ZNF605: variants seen among roughly 807,000 people sequenced by gnomAD.
ZNF605 encodes zinc finger protein 605.
ZNF605 carries 9 observed loss-of-function variants against 7.9 expected under a neutral mutation model. The ratio of observed to expected loss-of-function variants is 1.14; its 90% CI spans 0.68 to 1.98. The LOEUF is 1.98. ZNF605 is among the 30% of genes most tolerant of loss of function. The probability of loss-of-function intolerance (pLI) is 0.00; values close to 1 mark genes in which losing one functional copy is unlikely to be tolerated. For missense variants in ZNF605, 673 were observed against 762.4 expected (o/e 0.88, Z 1.38); for synonymous variants, 255 against 260.1 (o/e 0.98, Z 0.19).
intron 1 of ZNF605, among the ~76,000 whole-genome samples, chr12:132,950,877 ACAT>A (rs1952553680): frequency 2.0e-5 from 3 of 151,546 alleles, no homozygotes; most frequent in Non-Finnish European, 4.4e-5. Flanking sequence ...TGATACAAAT[ACAT>A]CACACATACT....
chr12:132,950,753 G>A (rs1244692468), intron 1 of ZNF605, among the ~76,000 whole-genome samples: 1 of 150,720 alleles, frequency 6.6e-6, no homozygotes, highest in Admixed American at 6.6e-5. Flanking sequence ...CAGACATACT[G>A]ATAACACACG....
Position 132,925,968 on chromosome 12 carries a change from G to A in ZNF605, c.1331C>T (p.Thr444Ile), listed in dbSNP as rs1293732284. 1.9e-6 allele frequency: 3 copies of A among 1,614,092 alleles called. No homozygotes were observed. The highest frequency in any genetic ancestry group is 1.1e-5 in the South Asian group (1 of 91,086). Reference protein sequence around the residue: ...SQLLTHHRTHTGEKPYECSEC... With the variant: ...SQLLTHHRTHIGEKPYECSEC... The stretch of plus-strand genomic sequence containing the variant: ...ACTGCATTCATAAGGCTTCTCCCCA[G>A]TGTGTGTTCTGTGATGCGTTAGGAG... Residue 444 changes from threonine (T) to isoleucine (I), a missense_variant, in exon 5 of 5, where the codon ACT (threonine) becomes ATT (isoleucine). Physicochemically the swap from Thr to Ile is moderately conservative, Grantham distance 89. Transcript: ENST00000360187.
At chr12:132,927,190 T>C in intron 4 of ZNF605, 28 bp from the exon 5 acceptor site, 1 of 1,461,472 alleles carries the variant, frequency 6.8e-7, no homozygotes. Flanking sequence ...TGAACCATAC[T>C]GTGTAATTCC....
chr12:132,952,314 A>G (rs1437864407), intron 1 of ZNF605, among the ~76,000 whole-genome samples: 1 of 151,894 alleles, frequency 6.6e-6, no homozygotes, highest in Non-Finnish European at 1.5e-5. Context: ...ACAAAAAATT[A>G]GCCGGGCATG....
intron 4 of ZNF605, among the ~76,000 whole-genome samples, chr12:132,929,403 C>T (rs1952283146): frequency 6.6e-6 from 1 of 152,086 alleles, no homozygotes; most frequent in Admixed American, 6.6e-5. Flanking sequence ...AATAGAATTT[C>T]AGAGGAAGCA....
chr12:132,921,143 AT>A lies in ZNF605; in HGVS notation c.*4229del, dbSNP rs35277489. On this transcript the variant is annotated 3_prime_UTR_variant, in exon 5 of 5. Coordinates refer to ENST00000360187, the MANE Select transcript of ZNF605 (RefSeq NM_183238.4). ...CACCCAGCCTCTCATGGCTAATTAA[AT>A]TTTTTTTTTGTAGAGATGAGTCTTG... 26,981 of 150,244 alleles carry A rather than the reference AT, an allele frequency of 0.18. 2,546 individuals are homozygous for A. The highest frequency in any genetic ancestry group is 0.26 in the South Asian group (1,238 of 4,748). 9.3% of individuals were successfully genotyped at this position (150,244 alleles called of 1,614,324 possible).
chr12:132,945,419 G>A (rs993079854), intron 3 of ZNF605: 46 of 1,365,374 alleles, frequency 3.4e-5, no homozygotes, highest in Middle Eastern at 2.6e-4. Flanking sequence ...AGGATAAACC[G>A]ATAACCCACC....
rs1952323145 is a variant in ZNF605 at position 132,933,055 on chromosome 12, T to C, written c.116A>G (p.Tyr39Cys). The C allele has an allele frequency of 1.9e-6, 3 of 1,602,916 alleles. No homozygotes were observed. The highest frequency in any genetic ancestry group is 1.7e-6 in the Non-Finnish European group (2 of 1,173,200). ...NLYRDVMLEN[Y>C]SNLVFLEVWL... ...CTTACCCAAGAAAACCAGATTGCTA[T>C]AGTTCTCCAACATCACATCTCTGTA... Residue 39 changes from tyrosine (Y) to cysteine (C), a missense_variant, in exon 4 of 5, where the codon TAT becomes TGT. Coordinates refer to ENST00000360187, the MANE Select transcript of ZNF605 (RefSeq NM_183238.4). This position sits in a 1 kb window ranked among gnomAD's most constrained non-coding sequence, Gnocchi z 4.4.
chr12:132,929,750 G>A (rs1213208969), intron 4 of ZNF605, among the ~76,000 whole-genome samples: 4 of 152,098 alleles, frequency 2.6e-5, no homozygotes, highest in African/African-American at 9.7e-5. Context: ...ATCGAGACCA[G>A]CCTGGCCAAC....
Position 132,925,620 on chromosome 12 carries a change from G to C in ZNF605, c.1679C>G (p.Thr560Ser). Residue 560 changes from threonine to serine, a missense_variant, in exon 5 of 5, where the codon ACC becomes AGC. Thr to Ser is a moderately conservative substitution (Grantham distance 58). Transcript: ENST00000360187. ...TTTTGCACAATCGCTGCATCCATAG[G>C]TTTTCTCTCCTGTGTGATTTCTTTG... The part of the protein sequence containing the change: ...KHQRNHTGEK[T>S]YGCSDCAKAF... 1 of 1,614,130 alleles carries C rather than the reference G, an allele frequency of 6.2e-7. No homozygotes were observed. Among genetic ancestry groups the C allele is most frequent in the Non-Finnish European group, 8.5e-7 (1 of 1,180,014 alleles).
Position 132,926,569 on chromosome 12 carries a change from G to A in ZNF605, c.730C>T (p.Gln244Ter). 1 of 1,614,154 alleles carries A rather than the reference G, an allele frequency of 6.2e-7. No homozygotes were observed. The highest frequency in any genetic ancestry group is 8.5e-7 in the Non-Finnish European group (1 of 1,180,022). The change falls in exon 5 of 5, where the codon CAG (glutamine) becomes TAG (stop). Residue 244 changes from glutamine to a stop codon, truncating the protein, a stop_gained. Transcript: ENST00000360187. LOFTEE classifies it low-confidence loss of function (END_TRUNC). ...GGCTTCTCTCCAGTATGAATTCTCTGATGTAAAATGAGGAGTGACTTCCTA... is the reference window on the plus strand; with the variant it reads ...GGCTTCTCTCCAGTATGAATTCTCTAATGTAAAATGAGGAGTGACTTCCTA... ...FSRKSLLILH[Q>*]RIHTGEKPYG...
At chr12:132,932,780 T>G in intron 4 of ZNF605, 1 of 1,536,600 alleles carries the variant, frequency 6.5e-7, no homozygotes, top group Non-Finnish European at 8.7e-7. Flanking sequence ...GTTTGAACAT[T>G]GCATCAGGTT....
intron 1 of ZNF605, among the ~76,000 whole-genome samples, chr12:132,954,980 C>A (rs1198923044): frequency 6.6e-6 from 1 of 152,124 alleles, no homozygotes; most frequent in African/African-American, 2.4e-5. Context: ...ATAGGCCACC[C>A]CATACTCGCC....
chr12:132,938,958 CGATTTCTCACCGA>C (rs1952399886), intron 3 of ZNF605, among the ~76,000 whole-genome samples: 1 of 151,944 alleles, frequency 6.6e-6, no homozygotes, highest in African/African-American at 2.4e-5. Context: ...GCGCTGCGCT[CGATTTCTCACCGA>C]GCCTTAGCTG....
chr12:132,953,616 G>A (rs1376593714), intron 1 of ZNF605, among the ~76,000 whole-genome samples: 6 of 152,052 alleles, frequency 3.9e-5, no homozygotes, highest in South Asian at 2.1e-4. Flanking sequence ...TAGTAGAGAC[G>A]GGGTTTCACC....
At chr12:132,953,166 C>T (rs1292456329) in intron 1 of ZNF605, among the ~76,000 whole-genome samples, 1 of 152,194 alleles carries the variant, frequency 6.6e-6, no homozygotes, top group Non-Finnish European at 1.5e-5. Flanking sequence ...CCATCAACCC[C>T]ACTCTCACTC....
chr12:132,926,338 T>C lies in ZNF605; in HGVS notation c.961A>G (p.Lys321Glu). Residue 321 changes from lysine to glutamate, a missense_variant, in exon 5 of 5, where the codon AAG (lysine) becomes GAG (glutamate). Coordinates refer to ENST00000360187, the MANE Select transcript of ZNF605 (RefSeq NM_183238.4). ...CSHCGKAFFWKSQLITHQRTH... is the reference protein window; with the variant it reads ...CSHCGKAFFWESQLITHQRTH... ...CTCTGATGAGTAATCAGCTGCGACT[T>C]CCAAAAGAAGGCTTTTCCACAGTGA... 6.2e-7 allele frequency: 1 copy of C among 1,614,214 alleles called. No homozygotes were observed. The highest frequency in any genetic ancestry group is 8.5e-7 in the Non-Finnish European group (1 of 1,180,026).
rs1430769523 is a variant in ZNF605, at chr12:132,941,912, C to T, written c.15+3709G>A. Among the ~76,000 whole-genome samples the T allele has an allele frequency of 1.3e-5, 2 of 152,230 alleles. No homozygotes were observed. Among genetic ancestry groups the T allele is most frequent in the East Asian group, 1.9e-4 (1 of 5,194 alleles). On this transcript the variant is annotated intron_variant, in intron 3 of 4. Transcript: ENST00000360187. The surrounding 1 kb of genome is among the most constrained non-coding windows in gnomAD (Gnocchi z 5.1). Reference sequence around the variant, plus strand: ...CCAGTTACAGACACCTCAGACTCCACGGGGCACGGTGCAAGGCCCTTTCAT... The same window carrying T: ...CCAGTTACAGACACCTCAGACTCCATGGGGCACGGTGCAAGGCCCTTTCAT...
chr12:132,918,650 G>C lies in ZNF605; in HGVS notation c.*6723C>G, dbSNP rs1332627768. On this transcript the variant is annotated 3_prime_UTR_variant, in exon 5 of 5. Transcript: ENST00000360187. ...TGGAGTGCAGTGGTGGTGCCATCTTGGCTCACTGCAACCTCCAACTCCTGG... is the reference window on the plus strand; with the variant it reads ...TGGAGTGCAGTGGTGGTGCCATCTTCGCTCACTGCAACCTCCAACTCCTGG... 6.6e-6 allele frequency: 1 copy of C among 152,232 alleles called. No individual in the cohort carries two copies. Among genetic ancestry groups the C allele is most frequent in the Non-Finnish European group, 1.5e-5 (1 of 68,098 alleles). The allele number at this position is 152,232 out of a possible 1,614,324, so 9.4% of individuals were successfully genotyped here. A position where few individuals can be genotyped will look rare whatever the true frequency, so the allele number is the denominator to read the frequency against.
Sources: gnomAD v4.1 joint callset for allele counts (sites outside exome capture counted in the v4.1 genomes callset) on GRCh38, gnomAD v4.1.1 for gene constraint, Gnocchi (gnomAD v3.1) non-coding constraint, MANE v1.5 for transcripts, NCBI Gene and HGNC (gene_info 2026-07-23, HGNC 2026-07-21) for gene names.